GPC5: variants seen among roughly 807,000 people sequenced by gnomAD.
GPC5 encodes glypican-5.
Under a neutral mutation model 53.9 loss-of-function variants are expected in GPC5, and 47 were observed. That is an observed-to-expected ratio of 0.87 (90% CI 0.69 to 1.11). GPC5 has a LOEUF of 1.11. Among genes scored for constraint, GPC5 ranks in the 50% most tolerant of loss-of-function variants. The pLI is 0.00. For missense variants in GPC5, 748 were observed against 713.1 expected (o/e 1.05, Z -0.56); for synonymous variants, 286 against 263.3 (o/e 1.09, Z -0.84).
intron 7 of GPC5, among the ~76,000 whole-genome samples, chr13:92,742,700 T>C (rs77185694): frequency 0.082 from 12,426 of 152,168 alleles, 1,018 homozygotes; most frequent in East Asian, 0.37. Flanking sequence ...TCTTCCAGGG[T>C]TTTTATGGGT....
intron 7 of GPC5, among the ~76,000 whole-genome samples, chr13:92,715,004 G>GAAC (rs1452844325): frequency 3.3e-5 from 5 of 152,136 alleles, no homozygotes; most frequent in African/African-American, 1.2e-4. Flanking sequence ...GGCAGAAGTT[G>GAAC]CAGTGAGCCA....
chr13:92,301,249 A>G (rs1239156178), intron 7 of GPC5, among the ~76,000 whole-genome samples: 3 of 152,202 alleles, frequency 2.0e-5, no homozygotes, highest in African/African-American at 7.2e-5. Context: ...ATGGTCTTCC[A>G]GACAGAAGTG....
chr13:92,621,102 ACACT>A (rs201775782), intron 7 of GPC5, among the ~76,000 whole-genome samples: 4,138 of 152,240 alleles, frequency 0.027, 59 homozygotes, highest in Non-Finnish European at 0.031. Context: ...TTCTTAAGTC[ACACT>A]CACTGGCTAC....
chr13:91,753,294 T>C (rs1215942732), intron 4 of GPC5, among the ~76,000 whole-genome samples: 2 of 152,204 alleles, frequency 1.3e-5, no homozygotes, highest in South Asian at 2.1e-4. Flanking sequence ...AAATATAGTG[T>C]AGGACACTGA....
chr13:92,055,557 T>C (rs1053807812), intron 6 of GPC5, among the ~76,000 whole-genome samples: 1 of 152,214 alleles, frequency 6.6e-6, no homozygotes, highest in South Asian at 2.1e-4. Flanking sequence ...CCTTGAGATC[T>C]CAAAAGTTTA....
At position 91,684,476 on chromosome 13, in the gene GPC5, C is replaced by T. The variant is rs143543743; in HGVS notation, c.326-8711C>T. 1.8e-3 allele frequency among the ~76,000 whole-genome samples: 279 copies of T among 152,256 alleles called. 2 individuals carry two copies. The highest frequency in any genetic ancestry group is 6.4e-3 in the African/African-American group (267 of 41,556). ...CCACTATGCATCCAGATACTGAGGC[C>T]CAGTCTTCAGATTTATCCTTCATTT... On this transcript the variant is annotated intron_variant, in intron 2 of 7. Coordinates refer to ENST00000377067, the MANE Select transcript of GPC5 (RefSeq NM_004466.6).
intron 5 of GPC5, among the ~76,000 whole-genome samples, chr13:91,878,103 G>A (rs536466759): frequency 6.6e-5 from 10 of 152,112 alleles, no homozygotes; most frequent in Admixed American, 5.9e-4. Context: ...CTTCCCAGTC[G>A]CAGGTATGTC....
At chr13:91,814,227 C>T (rs1179113383) in intron 5 of GPC5, among the ~76,000 whole-genome samples, 1 of 151,922 alleles carries the variant, frequency 6.6e-6, no homozygotes. Flanking sequence ...CCACTGCGCC[C>T]GGCTAACTGA....
chr13:92,424,676 T>G (rs1278202093), intron 7 of GPC5, among the ~76,000 whole-genome samples: 2 of 152,074 alleles, frequency 1.3e-5, no homozygotes, highest in African/African-American at 4.8e-5. Context: ...TGGGTCTCTC[T>G]TCCACTAGTC....
At chr13:91,457,406 T>C (rs752365638) in intron 2 of GPC5, among the ~76,000 whole-genome samples, 1 of 152,124 alleles carries the variant, frequency 6.6e-6, no homozygotes, top group Non-Finnish European at 1.5e-5. Context: ...AACTCAATAA[T>C]GTATCTATTT....
At chr13:92,340,698 A>G (rs988210677) in intron 7 of GPC5, 15 of 152,248 alleles carry the variant, frequency 9.9e-5, no homozygotes, top group African/African-American at 3.1e-4. Flanking sequence ...CTGTTAAGAT[A>G]TAAAATAAAA....
chr13:92,579,625 C>T (rs1883311375), intron 7 of GPC5, among the ~76,000 whole-genome samples: 1 of 151,988 alleles, frequency 6.6e-6, no homozygotes, highest in Non-Finnish European at 1.5e-5. Flanking sequence ...CTGAGAGAAT[C>T]TTATCTAATG....
In GPC5 at chr13:91,897,349, G is replaced by GTC. The variant is rs1196430550; in HGVS notation, c.1281-10587_1281-10586insCT. Among the ~76,000 whole-genome samples the GTC allele has an allele frequency of 4.5e-5, 6 of 134,172 alleles. No homozygotes were observed. In the Admixed American group the frequency reaches 4.6e-4, roughly 10 times the overall value. 88.0% of individuals were successfully genotyped at this position (134,172 alleles called of 152,430 possible). Reference sequence around the variant, plus strand: ...TATAGAGAATGCTGTGTGTGTGTGTGTGTGTGTGTGTGTGTGTGTGCGCCT... The same window carrying GTC: ...TATAGAGAATGCTGTGTGTGTGTGTGTCTGTGTGTGTGTGTGTGTGTGCGCCT... On this transcript the variant is annotated intron_variant, in intron 5 of 7. Transcript: ENST00000377067.
intron 1 of GPC5, among the ~76,000 whole-genome samples, chr13:91,431,254 T>G (rs1032309187): frequency 6.6e-6 from 1 of 152,096 alleles, no homozygotes; most frequent in Non-Finnish European, 1.5e-5. Context: ...CAGTTTTGAG[T>G]GTCAGTCATG....
At chr13:92,198,654 T>C (rs1186070855) in intron 7 of GPC5, among the ~76,000 whole-genome samples, 6 of 152,214 alleles carry the variant, frequency 3.9e-5, no homozygotes, top group African/African-American at 9.6e-5. Flanking sequence ...ACCAGCTGTC[T>C]AGCCTTTGAA....
intron 7 of GPC5, among the ~76,000 whole-genome samples, chr13:92,401,542 C>G (rs947734924): frequency 6.6e-6 from 1 of 151,994 alleles, no homozygotes; most frequent in East Asian, 1.9e-4. Flanking sequence ...AAATTTGAAG[C>G]CATATATTTA....
At chr13:91,438,649 C>T (rs991851764) in intron 1 of GPC5, among the ~76,000 whole-genome samples, 14 of 152,200 alleles carry the variant, frequency 9.2e-5, no homozygotes, top group Non-Finnish European at 1.0e-4. Context: ...ACTCAGATCT[C>T]AAGCTGTGTG....
chr13:91,893,246 C>G (rs2039406499), intron 5 of GPC5, among the ~76,000 whole-genome samples: 1 of 151,968 alleles, frequency 6.6e-6, no homozygotes, highest in African/African-American at 2.4e-5. Flanking sequence ...TCCTGTCTGA[C>G]CAGTAAACCA....
chr13:91,692,329 A>G (rs1490845362), intron 2 of GPC5, among the ~76,000 whole-genome samples: 2 of 152,202 alleles, frequency 1.3e-5, no homozygotes, highest in Non-Finnish European at 2.9e-5. Context: ...TTGAAAATGA[A>G]TGCTTTACTT....
Sources: allele counts gnomAD v4.1 joint callset (sites outside exome capture counted in the v4.1 genomes callset), GRCh38; gene constraint gnomAD v4.1.1; transcripts MANE v1.5; gene names NCBI Gene and HGNC (gene_info 2026-07-23, HGNC 2026-07-21).